The following SCNN1B variants were observed in gnomAD, a reference collection of about 807,000 sequenced individuals.
SCNN1B encodes sodium channel epithelial 1 subunit beta, also known as epithelial sodium channel subunit beta.
Under a neutral mutation model 65.3 loss-of-function variants are expected in SCNN1B, and 46 were observed. The observed-to-expected ratio is 0.70, with a 90% confidence interval of 0.56 to 0.90. The LOEUF (loss-of-function observed/expected upper bound fraction) is 0.90, where lower values mean the gene tolerates loss of function less well. Ranked by LOEUF, SCNN1B falls within the 40% of genes least tolerant of loss-of-function variation. The probability of loss-of-function intolerance (pLI) is 0.00; values close to 1 mark genes in which losing one functional copy is unlikely to be tolerated. For missense variants in SCNN1B, 751 were observed against 830.5 expected (o/e 0.90, Z 1.18); for synonymous variants, 349 against 330.6 (o/e 1.06, Z -0.60).
intron 4 of SCNN1B, among the ~76,000 whole-genome samples, chr16:23,362,392 A>T (rs1487314281): frequency 1.3e-5 from 2 of 152,114 alleles, no homozygotes; most frequent in African/African-American, 4.8e-5. Context: ...CTGGGCATAT[A>T]TAAGCATTAT....
At chr16:23,281,013 T>C (rs553469002) in intron 1 of SCNN1B, among the ~76,000 whole-genome samples, 53 of 152,326 alleles carry the variant, frequency 3.5e-4, no homozygotes, top group African/African-American at 1.2e-3. Flanking sequence ...TTAAAATGCA[T>C]GGACCCTGGA....
intron 1 of SCNN1B, among the ~76,000 whole-genome samples, chr16:23,307,370 A>C (rs1459624156): frequency 1.5e-5 from 2 of 129,534 alleles, no homozygotes; most frequent in Non-Finnish European, 3.1e-5. Context: ...CCCAGGCTGG[A>C]GTGCAATGGT....
intron 1 of SCNN1B, among the ~76,000 whole-genome samples, chr16:23,344,694 T>A (rs921275260): frequency 4.6e-5 from 7 of 152,116 alleles, no homozygotes; most frequent in African/African-American, 1.7e-4. Flanking sequence ...TTAATTCCTA[T>A]CAGAGAATGG....
chr16:23,353,585 T>C (rs1962357045), intron 3 of SCNN1B, among the ~76,000 whole-genome samples: 2 of 152,236 alleles, frequency 1.3e-5, no homozygotes, highest in African/African-American at 2.4e-5. Flanking sequence ...CACTGTGGGC[T>C]ACAGCAGGGG....
intron 4 of SCNN1B, among the ~76,000 whole-genome samples, chr16:23,356,876 T>A (rs1438125573): frequency 6.6e-6 from 1 of 151,954 alleles, no homozygotes; most frequent in East Asian, 1.9e-4. Flanking sequence ...ACGGGGGGAA[T>A]CTCCATTCTA....
chr16:23,364,664 G>A (rs1962613096), intron 4 of SCNN1B, among the ~76,000 whole-genome samples: 2 of 152,144 alleles, frequency 1.3e-5, no homozygotes, highest in Non-Finnish European at 2.9e-5. Flanking sequence ...CAGGGTGGGA[G>A]CGTCTGAGGT....
chr16:23,325,361 G>A (rs979883860), intron 1 of SCNN1B, among the ~76,000 whole-genome samples: 6 of 152,016 alleles, frequency 3.9e-5, no homozygotes, highest in Admixed American at 3.3e-4. Flanking sequence ...CCGCCTCCCA[G>A]GTTCAAGTGA....
Position 23,380,663 on chromosome 16 carries a change from C to T in SCNN1B, c.1785C>T (p.Ala595=). ...HTNFGFQPDT[A]PRSPNTGPYP... The stretch of plus-strand genomic sequence containing the variant: ...ACTTTGGCTTCCAGCCTGACACGGC[C>T]CCCCGCAGCCCCAACACTGGGCCCT... Residue 595 remains alanine (A), a synonymous_variant, in exon 13 of 13, where the codon GCC becomes GCT. Transcript: ENST00000343070. This position sits in a 1 kb window ranked among gnomAD's most constrained non-coding sequence, Gnocchi z 5.4. 2 of 1,612,620 alleles carry T rather than the reference C, an allele frequency of 1.2e-6. No individual in the cohort carries two copies. Among genetic ancestry groups the T allele is most frequent in the Non-Finnish European group, 1.7e-6 (2 of 1,179,488 alleles).
intron 1 of SCNN1B, among the ~76,000 whole-genome samples, chr16:23,281,441 TAAAC>T (rs1201931358): frequency 1.3e-5 from 2 of 151,770 alleles, no homozygotes; most frequent in African/African-American, 4.8e-5. Context: ...TCAAAACAAA[TAAAC>T]AAACAAAAAC....
chr16:23,284,439 TA>T (rs1259044670), intron 2 of SCNN1B, among the ~76,000 whole-genome samples: 2 of 151,632 alleles, frequency 1.3e-5, no homozygotes, highest in East Asian at 1.9e-4. Flanking sequence ...ATTAAGAAAA[TA>T]AATAAAATAA....
chr16:23,353,024 G>T lies in SCNN1B; in HGVS notation c.535G>T (p.Ala179Ser), dbSNP rs770557892. The change falls in exon 3 of 13, where the codon GCA (alanine) becomes TCA (serine). Residue 179 changes from alanine (A) to serine (S), a missense_variant. Transcript: ENST00000343070. ...DNHNGLTSSS[A>S]SEKICNAHGC... is the part of the protein sequence containing the mutation. ...CCACAATGGCTTAACAAGCAGCTCAGCATCAGAAAAGATCTGTAATGCCCA... is the reference window on the plus strand; with the variant it reads ...CCACAATGGCTTAACAAGCAGCTCATCATCAGAAAAGATCTGTAATGCCCA... 6.2e-7 allele frequency: 1 copy of T among 1,614,178 alleles called. No homozygotes were observed. Among genetic ancestry groups the T allele is most frequent in the Non-Finnish European group, 8.5e-7 (1 of 1,180,038 alleles).
At chr16:23,303,415 G>A (rs1010395335) in intron 1 of SCNN1B, among the ~76,000 whole-genome samples, 21 of 152,066 alleles carry the variant, frequency 1.4e-4, no homozygotes, top group Non-Finnish European at 4.4e-5. Flanking sequence ...CCCAGCATCC[G>A]TGAGTGACCC....
chr16:23,372,050 C>T, intron 7 of SCNN1B, 167 bp downstream of exon 7: 5 of 686,676 alleles, frequency 7.3e-6, no homozygotes, highest in South Asian at 4.7e-5. Flanking sequence ...TTCCTGGGCT[C>T]TCTCACCAGG....
chr16:23,300,981 G>A (rs1395979847), upstream of SCNN1B, among the ~76,000 whole-genome samples: 1 of 135,356 alleles, frequency 7.4e-6, no homozygotes, highest in Non-Finnish European at 1.6e-5. Context: ...TAACATATAT[G>A]TGTTAAAAAC....
intron 1 of SCNN1B, among the ~76,000 whole-genome samples, chr16:23,336,522 C>A (rs1203091523): frequency 6.6e-6 from 1 of 152,102 alleles, no homozygotes; most frequent in Non-Finnish European, 1.5e-5. Context: ...CAGATGCGTG[C>A]CACCATGCCC....
At position 23,380,179 on chromosome 16, in the gene SCNN1B, G is replaced by A; in HGVS notation, c.1542+10G>A. ...ATCAGCAGCCAATAACGTGAGTTTA[G>A]GAGTCTCCCAATACCCCAGCCCTGC... On this transcript the variant is annotated intron_variant, in intron 12 of 12. Transcript: ENST00000343070. The surrounding 1 kb of genome is among the most constrained non-coding windows in gnomAD (Gnocchi z 5.4). 1.2e-6 allele frequency: 2 copies of A among 1,612,100 alleles called. No individual in the cohort carries two copies. Among genetic ancestry groups the A allele is most frequent in the South Asian group, 2.2e-5 (2 of 91,028 alleles).
chr16:23,283,018 C>T (rs1567283503), intron 1 of SCNN1B, among the ~76,000 whole-genome samples: 1 of 152,236 alleles, frequency 6.6e-6, no homozygotes, highest in African/African-American at 2.4e-5. Flanking sequence ...GGCTAAGCCC[C>T]AACTTGGGGG....
chr16:23,307,415 G>A (rs1163838601), intron 1 of SCNN1B, among the ~76,000 whole-genome samples: 1 of 151,496 alleles, frequency 6.6e-6, no homozygotes, highest in Non-Finnish European at 1.5e-5. Flanking sequence ...CACTTCCCGG[G>A]TTCAAGTGAT....
At chr16:23,343,645 A>AAG (rs1461850200) in intron 1 of SCNN1B, among the ~76,000 whole-genome samples, 1 of 130,280 alleles carries the variant, frequency 7.7e-6, no homozygotes, top group African/African-American at 3.1e-5. Context: ...GAAAGAAAGA[A>AAG]AGAAAAAAAG....
Sources: allele counts gnomAD v4.1 joint callset (sites outside exome capture counted in the v4.1 genomes callset), GRCh38; gene constraint gnomAD v4.1.1; non-coding constraint Gnocchi (gnomAD v3.1); transcripts MANE v1.5; gene names NCBI Gene and HGNC (gene_info 2026-07-23, HGNC 2026-07-21).